Variants in NFIX observed in about 807,000 individuals in gnomAD.
The protein encoded by NFIX is nuclear factor I X.
NFIX carries 2 observed loss-of-function variants against 53.3 expected under a neutral mutation model. That is an observed-to-expected ratio of 0.04 (90% CI 0.02 to 0.12). The LOEUF (loss-of-function observed/expected upper bound fraction) is 0.12, where lower values mean the gene tolerates loss of function less well. Among genes scored for constraint, NFIX ranks in the 10% least tolerant of loss-of-function variants. The probability of loss-of-function intolerance (pLI) is 1.00; values close to 1 mark genes in which losing one functional copy is unlikely to be tolerated. For synonymous variants in NFIX, 244 were observed against 289.0 expected (o/e 0.84, Z 1.58); for missense variants, 310 against 674.5 (o/e 0.46, Z 5.99).
At chr19:12,997,177 T>A (rs2011500465) in intron 1 of NFIX, among the ~76,000 whole-genome samples, 1 of 152,354 alleles carries the variant, frequency 6.6e-6, no homozygotes, top group Non-Finnish European at 1.5e-5. Flanking sequence ...TTTGTCTGGG[T>A]CCTACCGGGA....
rs569430912 is a variant in NFIX at position 13,002,283 on chromosome 19, C to T, written c.27+6419C>T. ...CCTCTCTCTCTCCTCCTGCCAAACG[C>T]GTCTTGGCTCCGTCTGAATATCTCT... On this transcript the variant is annotated intron_variant, in intron 1 of 10. Transcript: ENST00000592199. This position sits in a 1 kb window ranked among gnomAD's most constrained non-coding sequence, Gnocchi z 6.1. Among the ~76,000 whole-genome samples the T allele has an allele frequency of 1.2e-4, 18 of 152,074 alleles. No individual in the cohort carries two copies. Among genetic ancestry groups the T allele is most frequent in the African/African-American group, 2.9e-4 (12 of 41,480 alleles).
rs1356467143 is a variant in NFIX at position 13,045,460 on chromosome 19, A to AC, written c.559+19914dup. 1.3e-5 allele frequency among the ~76,000 whole-genome samples: 2 copies of AC among 151,536 alleles called. No individual in the cohort carries two copies. Among genetic ancestry groups the AC allele is most frequent in the Admixed American group, 6.6e-5 (1 of 15,190 alleles). ...TAGCTGTCCTACACTGCACAAGACG[A>AC]CCCCCCATAGAAGACAGTATCTAGC... On this transcript the variant is annotated intron_variant, in intron 2 of 10. Transcript: ENST00000592199. The surrounding 1 kb of genome is among the most constrained non-coding windows in gnomAD (Gnocchi z 4.4).
intron 2 of NFIX, among the ~76,000 whole-genome samples, chr19:13,029,709 A>T (rs1396838856): frequency 6.6e-6 from 1 of 152,092 alleles, no homozygotes; most frequent in Non-Finnish European, 1.5e-5. Context: ...GCTTAGCCTT[A>T]CCTGTCGCAG....
At position 13,089,710 on chromosome 19, in the gene NFIX, C is replaced by T. The variant is rs1415828122; in HGVS notation, c.1403-589C>T. Among the ~76,000 whole-genome samples, 1 of 152,232 alleles carries T rather than the reference C, an allele frequency of 6.6e-6. No individual in the cohort carries two copies. Among genetic ancestry groups the T allele is most frequent in the Non-Finnish European group, 1.5e-5 (1 of 68,024 alleles). ...GTTCCCCAAGCCTGCCTGCCTGGTC[C>T]TTGGGCCTGCCCAGAGTGGTAAGAG... is the stretch of plus-strand genomic sequence containing the variant. On this transcript the variant is annotated intron_variant, in intron 9 of 10. Transcript: ENST00000592199. The surrounding 1 kb of genome is among the most constrained non-coding windows in gnomAD (Gnocchi z 4.8).
Position 13,088,112 on chromosome 19 carries a change from G to A in NFIX, c.1378G>A (p.Ala460Thr), listed in dbSNP as rs1179832261. The A allele has an allele frequency of 7.2e-6, 11 of 1,536,408 alleles. No individual in the cohort carries two copies. The highest frequency in any genetic ancestry group is 2.4e-5 in the South Asian group (2 of 84,060). Residue 460 changes from alanine (A) to threonine (T), a missense_variant, in exon 9 of 11, where the codon GCC becomes ACC. Around this residue, in one of 5 missense-constraint regions of NFIX, gnomAD observed 44 missense variants for 73.4 expected, o/e 0.60. Transcript: ENST00000592199. The surrounding 1 kb of genome is among the most constrained non-coding windows in gnomAD (Gnocchi z 5.9). ...ATCCACCAGCACTGCCCCAGACGGC[G>A]CCGCCTTGACTCCTCCATCACCTTG... ...SKSTSTAPDG[A>T]ALTPPSPSFA... is the part of the protein sequence containing the mutation.
rs2018503602 is a variant in NFIX, at chr19:13,096,961, AAAC to A, written c.*2315_*2317del. On this transcript the variant is annotated 3_prime_UTR_variant, in exon 11 of 11. Coordinates refer to ENST00000592199, the MANE Select transcript of NFIX (RefSeq NM_001365902.3). ...GACGTGTTAGGAGAGAAAAAAAAAA[AAAC>A]AAAAATATATATGGGGGAAATTAAC... 1 of 150,888 alleles carries A rather than the reference AAAC, an allele frequency of 6.6e-6. No homozygotes were observed. The highest frequency in any genetic ancestry group is 1.5e-5 in the Non-Finnish European group (1 of 67,726). 9.3% of individuals were successfully genotyped at this position (150,888 alleles called of 1,614,324 possible). A position where few individuals can be genotyped will look rare whatever the true frequency, so the allele number is the denominator to read the frequency against.
At chr19:13,079,558 C>G (rs1038082339) in intron 7 of NFIX, among the ~76,000 whole-genome samples, 1 of 152,140 alleles carries the variant, frequency 6.6e-6, no homozygotes, top group Non-Finnish European at 1.5e-5. Flanking sequence ...CTCCTGGGCT[C>G]GTATGTAGGA....
At chr19:13,023,304 C>T (rs1002521227) in intron 1 of NFIX, among the ~76,000 whole-genome samples, 7 of 151,598 alleles carry the variant, frequency 4.6e-5, no homozygotes, top group African/African-American at 1.5e-4. Context: ...GATCCTCGAT[C>T]TCTCCCTCCC....
At position 13,078,683 on chromosome 19, in the gene NFIX, G is replaced by A. The variant is rs774838479; in HGVS notation, c.1026G>A (p.Pro342=). 118 of 1,599,182 alleles carry A rather than the reference G, an allele frequency of 7.4e-5. No individual in the cohort carries two copies. The Admixed American group carries it at 1.0e-3, about 14-fold the overall frequency. The stretch of plus-strand genomic sequence containing the variant: ...CCCTCTCCTCTCAGGGCAGCTCCCC[G>A]CGCATGGCTTTCACCCACCACCCGC... The part of the protein sequence containing the change: ...CSALSSQGSS[P]RMAFTHHPLP... Residue 342 remains proline (P), a synonymous_variant, in exon 7 of 11, where the codon CCG becomes CCA. Transcript: ENST00000592199. The surrounding 1 kb of genome is among the most constrained non-coding windows in gnomAD (Gnocchi z 4.7).
At chr19:13,030,539 CTT>C (rs1431998769) in intron 2 of NFIX, among the ~76,000 whole-genome samples, 3 of 152,140 alleles carry the variant, frequency 2.0e-5, no homozygotes, top group Non-Finnish European at 4.4e-5. Flanking sequence ...AAAGGCAGCT[CTT>C]ATGTCTCCCT....
Position 12,998,269 on chromosome 19 carries a change from A to G in NFIX, c.27+2405A>G, listed in dbSNP as rs1320446014. 7.1e-6 allele frequency among the ~76,000 whole-genome samples: 1 copy of G among 141,612 alleles called. No individual in the cohort carries two copies. Among genetic ancestry groups the G allele is most frequent in the African/African-American group, 2.7e-5 (1 of 37,422 alleles). 92.9% of individuals were successfully genotyped at this position (141,612 alleles called of 152,430 possible). On this transcript the variant is annotated intron_variant, in intron 1 of 10. Transcript: ENST00000592199. The surrounding 1 kb of genome is among the most constrained non-coding windows in gnomAD (Gnocchi z 4.4). ...TGGCCCCATCTCTGCTCCCCCCTCC[A>G]CTGGCGTCTCGGACTCTCTCTCTCT...
In NFIX at chr19:13,094,038, G is replaced by A. The variant is rs552701348; in HGVS notation, c.1495-597G>A. 1.3e-5 allele frequency among the ~76,000 whole-genome samples: 2 copies of A among 152,282 alleles called. No homozygotes were observed. The highest frequency in any genetic ancestry group is 3.9e-4 in the East Asian group (2 of 5,180). Reference sequence around the variant, plus strand: ...CTTCCTCAATGTCTGGTGCCCTGAGGGTAGAGGATCCAGCACCATGGGCTA... The same window carrying A: ...CTTCCTCAATGTCTGGTGCCCTGAGAGTAGAGGATCCAGCACCATGGGCTA... On this transcript the variant is annotated intron_variant, in intron 10 of 10. Coordinates refer to ENST00000592199, the MANE Select transcript of NFIX (RefSeq NM_001365902.3). This position sits in a 1 kb window ranked among gnomAD's most constrained non-coding sequence, Gnocchi z 4.3.
chr19:13,013,293 G>A lies in NFIX; in HGVS notation c.28-11728G>A, dbSNP rs1347105447. On this transcript the variant is annotated intron_variant, in intron 1 of 10. Coordinates refer to ENST00000592199, the MANE Select transcript of NFIX (RefSeq NM_001365902.3). This position sits in a 1 kb window ranked among gnomAD's most constrained non-coding sequence, Gnocchi z 5.9. ...ACTTAACCTGTTGGTGGAGGAGGAA[G>A]CTGGCGTCGGGCTGAAGTCCCCCGA... Among the ~76,000 whole-genome samples, 1 of 152,158 alleles carries A rather than the reference G, an allele frequency of 6.6e-6. No homozygotes were observed. Among genetic ancestry groups the A allele is most frequent in the Admixed American group, 6.5e-5 (1 of 15,274 alleles).
intron 2 of NFIX, among the ~76,000 whole-genome samples, chr19:13,063,768 G>A (rs1256986856): frequency 1.8e-4 from 28 of 152,120 alleles, no homozygotes; most frequent in Admixed American, 1.8e-3. Flanking sequence ...CGCATCCCTT[G>A]AGTGGCCTGC....
At chr19:13,016,957 T>C (rs973500643) in intron 1 of NFIX, among the ~76,000 whole-genome samples, 5 of 152,164 alleles carry the variant, frequency 3.3e-5, no homozygotes, top group African/African-American at 7.2e-5. Context: ...CTTTTTTTTT[T>C]CCTCCACCCA....
rs533856510 is a variant in NFIX, at chr19:13,002,997, C to T, written c.27+7133C>T. 6.6e-6 allele frequency among the ~76,000 whole-genome samples: 1 copy of T among 152,132 alleles called. No individual in the cohort carries two copies. The highest frequency in any genetic ancestry group is 1.5e-5 in the Non-Finnish European group (1 of 68,012). Reference sequence around the variant, plus strand: ...GACAGCATGGAGGTGCACCCGACCCCCCTGGGCCTTTTAGTCCAAGGCAGG... The same window carrying T: ...GACAGCATGGAGGTGCACCCGACCCTCCTGGGCCTTTTAGTCCAAGGCAGG... On this transcript the variant is annotated intron_variant, in intron 1 of 10. Coordinates refer to ENST00000592199, the MANE Select transcript of NFIX (RefSeq NM_001365902.3). This position sits in a 1 kb window ranked among gnomAD's most constrained non-coding sequence, Gnocchi z 6.1.
Position 13,075,538 on chromosome 19 carries a change from C to T in NFIX, c.822C>T (p.Thr274=). ...RSITSPPSTS[T]TKRPKSIDDS... is the part of the protein sequence containing the mutation. Reference sequence around the variant, plus strand: ...TGACCCTTTCTTTCTTCCCCAGCACCACCAAGCGCCCCAAGTCCATCGATG... The same window carrying T: ...TGACCCTTTCTTTCTTCCCCAGCACTACCAAGCGCCCCAAGTCCATCGATG... The change falls in exon 6 of 11, where the codon ACC becomes ACT. Residue 274 remains threonine, a synonymous_variant. Coordinates refer to ENST00000592199, the MANE Select transcript of NFIX (RefSeq NM_001365902.3). 6.2e-7 allele frequency: 1 copy of T among 1,613,656 alleles called. No individual in the cohort carries two copies. Among genetic ancestry groups the T allele is most frequent in the Non-Finnish European group, 8.5e-7 (1 of 1,179,744 alleles).
At chr19:13,071,963 CAG>C (rs2016801177) in intron 2 of NFIX, among the ~76,000 whole-genome samples, 1 of 152,236 alleles carries the variant, frequency 6.6e-6, no homozygotes, top group Non-Finnish European at 1.5e-5. Context: ...CAGGTTGAAT[CAG>C]GGTGGTGGCG....
At chr19:13,033,077 G>A (rs922654913) in intron 2 of NFIX, among the ~76,000 whole-genome samples, 1 of 152,064 alleles carries the variant, frequency 6.6e-6, no homozygotes, top group African/African-American at 2.4e-5. Context: ...AGGCTGGGGG[G>A]CTGAGAGATA....
Sources: gnomAD v4.1 joint callset for allele counts (sites outside exome capture counted in the v4.1 genomes callset) on GRCh38, gnomAD v4.1.1 for gene constraint, gnomAD v4.1.1 regional missense constraint, Gnocchi (gnomAD v3.1) non-coding constraint, MANE v1.5 for transcripts, NCBI Gene and HGNC (gene_info 2026-07-23, HGNC 2026-07-21) for gene names.